HECW1: variants seen among roughly 807,000 people sequenced by gnomAD.
HECW1 encodes HECT, C2 and WW domain containing E3 ubiquitin protein ligase 1.
A neutral mutation model predicts 182.3 loss-of-function variants in HECW1; 61 were observed. The observed-to-expected ratio is 0.33, with a 90% CI of 0.27 to 0.41. The LOEUF (loss-of-function observed/expected upper bound fraction) is 0.41, where lower values mean the gene tolerates loss of function less well. Ranked by LOEUF, HECW1 falls within the 10% of genes least tolerant of loss-of-function variation. The probability of loss-of-function intolerance (pLI) is 1.00; values close to 1 mark genes in which losing one functional copy is unlikely to be tolerated. For missense variants in HECW1, 1,739 were observed against 2,108.9 expected, an observed-to-expected ratio of 0.82 and a Z score of 3.44; for synonymous variants, 859 against 832.6, an observed-to-expected ratio of 1.03 and a Z score of -0.55.
intron 2 of HECW1, among the ~76,000 whole-genome samples, chr7:43,233,409 T>G (rs1798048165): frequency 6.6e-6 from 1 of 152,176 alleles, no homozygotes; most frequent in Non-Finnish European, 1.5e-5. Context: ...AAGATGCTGC[T>G]GTTTGCTTTT....
At chr7:43,405,950 T>C (rs559896668) in intron 7 of HECW1, among the ~76,000 whole-genome samples, 12 of 152,328 alleles carry the variant, frequency 7.9e-5, no homozygotes, top group African/African-American at 1.7e-4. Flanking sequence ...AGTGACTCCA[T>C]TGTGGATGTG....
rs747329896 is a variant in HECW1, at chr7:43,444,234, C to T, written c.1062C>T (p.Ser354=). The change falls in exon 11 of 30, where the codon TCC becomes TCT. Residue 354 remains serine (S), a synonymous_variant. Transcript: ENST00000395891. This position sits in a 1 kb window ranked among gnomAD's most constrained non-coding sequence, Gnocchi z 4.3. ...TACCAGCAGATGATGAGGAGATTTC[C>T]CTGAGTACCGAGCCTGAGTCAGCCC... ...SSIHPDDEEI[S]LSTEPESAQI... The T allele has an allele frequency of 2.5e-6, 4 of 1,606,000 alleles. No homozygotes were observed. In the African/African-American group the frequency reaches 5.4e-5, roughly 22 times the overall value.
rs1311455736 is a variant in HECW1 at position 43,445,520 on chromosome 7, G to A, written c.2348G>A (p.Ser783Asn). 6.2e-7 allele frequency: 1 copy of A among 1,609,920 alleles called. No homozygotes were observed. Residue 783 changes from serine to asparagine, a missense_variant, in exon 11 of 30, where the codon AGC becomes AAC. By Grantham distance (46) the Ser-to-Asn change is conservative (BLOSUM62 1). Coordinates refer to ENST00000395891, the MANE Select transcript of HECW1 (RefSeq NM_015052.5). ...GCCCCTAGCGGGCACGTGGAAAGAA[G>A]CCCGGAAGGTCTGGAATCCCCCGTG... is the stretch of plus-strand genomic sequence containing the variant. ...LAAPSGHVER[S>N]PEGLESPVAG... is the part of the protein sequence containing the mutation.
At chr7:43,462,092 A>G (rs1296523542) in intron 13 of HECW1, among the ~76,000 whole-genome samples, 1 of 152,250 alleles carries the variant, frequency 6.6e-6, no homozygotes, top group Non-Finnish European at 1.5e-5. Flanking sequence ...AAATCCTGCC[A>G]TAGTGGAGCC....
chr7:43,135,269 T>C (rs560723469), intron 2 of HECW1, among the ~76,000 whole-genome samples: 1 of 152,272 alleles, frequency 6.6e-6, no homozygotes, highest in Admixed American at 6.5e-5. Context: ...AGCTGCCAGG[T>C]GGAGCTCCTG....
intron 2 of HECW1, among the ~76,000 whole-genome samples, chr7:43,212,908 A>G (rs1248707721): frequency 1.3e-5 from 2 of 152,230 alleles, no homozygotes; most frequent in East Asian, 1.9e-4. Flanking sequence ...CATTTATATT[A>G]TATGGTAGAT....
At chr7:43,199,849 C>A (rs1005139567) in intron 2 of HECW1, among the ~76,000 whole-genome samples, 2 of 151,944 alleles carry the variant, frequency 1.3e-5, no homozygotes, top group Non-Finnish European at 2.9e-5. Context: ...GGCATAAATT[C>A]TATATATACA....
At chr7:43,240,861 C>T (rs1311625316) in intron 2 of HECW1, among the ~76,000 whole-genome samples, 4 of 152,190 alleles carry the variant, frequency 2.6e-5, no homozygotes, top group Non-Finnish European at 5.9e-5. Context: ...CAACACCGCC[C>T]TGCTCTCCTA....
In HECW1 at chr7:43,320,064, C is replaced by G. The variant is rs568097621; in HGVS notation, c.353-571C>G. ...ACAGCCCCTGCACCTTCCCCAGCAT[C>G]TGGCAGATGGTTAGATTTCAGCTGC... On this transcript the variant is annotated intron_variant, in intron 4 of 29. Transcript: ENST00000395891. Among the ~76,000 whole-genome samples the G allele has an allele frequency of 3.9e-5, 6 of 152,312 alleles. No individual in the cohort carries two copies. In the East Asian group the frequency reaches 1.2e-3, roughly 29 times the overall value.
At chr7:43,490,409 A>T (rs934584831) in intron 17 of HECW1, among the ~76,000 whole-genome samples, 1 of 152,186 alleles carries the variant, frequency 6.6e-6, no homozygotes, top group Admixed American at 6.5e-5. Context: ...AAACTCTGTA[A>T]GTTTACTTTG....
At chr7:43,327,139 A>G (rs368013578) in intron 5 of HECW1, among the ~76,000 whole-genome samples, 3 of 152,176 alleles carry the variant, frequency 2.0e-5, no homozygotes, top group East Asian at 3.8e-4. Flanking sequence ...TACTTGGGCC[A>G]TAGGCGCTAA....
intron 5 of HECW1, among the ~76,000 whole-genome samples, chr7:43,344,684 C>T (rs1248838755): frequency 3.3e-5 from 5 of 151,986 alleles, no homozygotes; most frequent in Admixed American, 6.6e-5. Context: ...GTGTTTCTTG[C>T]TCTTTCGTCT....
At chr7:43,307,506 G>A (rs1807729116) in intron 3 of HECW1, among the ~76,000 whole-genome samples, 1 of 152,090 alleles carries the variant, frequency 6.6e-6, no homozygotes, top group South Asian at 2.1e-4. Flanking sequence ...TAGGAAGAAT[G>A]GTGGAGTTGT....
Position 43,520,093 on chromosome 7 carries a change from A to G in HECW1, c.4019+10972A>G, listed in dbSNP as rs142031272. ...ATGTCTTAGCTTAATTATTAGTGGT[A>G]AACAAATGTCTTAGATATGCATTCA... On this transcript the variant is annotated intron_variant, in intron 24 of 29. Coordinates refer to ENST00000395891, the MANE Select transcript of HECW1 (RefSeq NM_015052.5). Among the ~76,000 whole-genome samples, 502 of 152,320 alleles carry G rather than the reference A, an allele frequency of 3.3e-3. 2 individuals are homozygous for G. The highest frequency in any genetic ancestry group is 0.011 in the African/African-American group (474 of 41,564).
At chr7:43,335,895 CTCTT>C (rs1429853398) in intron 5 of HECW1, among the ~76,000 whole-genome samples, 7 of 114,834 alleles carry the variant, frequency 6.1e-5, no homozygotes, top group East Asian at 4.9e-4. Context: ...CTTTCTTTCT[CTCTT>C]TCTGTCTTTA....
At chr7:43,251,235 A>C (rs1799993690) in intron 3 of HECW1, among the ~76,000 whole-genome samples, 1 of 152,240 alleles carries the variant, frequency 6.6e-6, no homozygotes. Flanking sequence ...GTCCTTCTGC[A>C]ATCCCAGATT....
At position 43,301,017 on chromosome 7, in the gene HECW1, T is replaced by A. The variant is rs1031653919; in HGVS notation, c.28-10746T>A. ...ACCTTGGCATTCAGGAGAGCTATAC[T>A]TGGGCTCCCCAAGACACAGCAGCTC... On this transcript the variant is annotated intron_variant, in intron 3 of 29. Coordinates refer to ENST00000395891, the MANE Select transcript of HECW1 (RefSeq NM_015052.5). Among the ~76,000 whole-genome samples, 4 of 152,322 alleles carry A rather than the reference T, an allele frequency of 2.6e-5. No individual in the cohort carries two copies. In the South Asian group the frequency reaches 8.3e-4, roughly 32 times the overall value.
At chr7:43,130,764 A>C (rs73097357) in intron 2 of HECW1, among the ~76,000 whole-genome samples, 2 of 152,206 alleles carry the variant, frequency 1.3e-5, no homozygotes, top group South Asian at 2.1e-4. Flanking sequence ...CATGAGGTCC[A>C]TTGTGGAATT....
At chr7:43,411,604 G>A (rs11762544) in intron 8 of HECW1, among the ~76,000 whole-genome samples, 21,227 of 152,086 alleles carry the variant, frequency 0.14, 1,786 homozygotes, top group Middle Eastern at 0.23. Context: ...CTATGTTCAT[G>A]GAATTGTCTG....
Sources: allele counts gnomAD v4.1 joint callset (sites outside exome capture counted in the v4.1 genomes callset), GRCh38; gene constraint gnomAD v4.1.1; non-coding constraint Gnocchi (gnomAD v3.1); transcripts MANE v1.5; gene names NCBI Gene and HGNC (gene_info 2026-07-23, HGNC 2026-07-21).